Variants in RAB28 observed in about 807,000 individuals in gnomAD.
RAB28 encodes RAB28, member RAS oncogene family.
A neutral mutation model predicts 31.7 loss-of-function variants in RAB28; 24 were observed. The ratio of observed to expected loss-of-function variants is 0.76; its 90% CI spans 0.55 to 1.06. RAB28 has a LOEUF of 1.06. Ranked by LOEUF, RAB28 falls within the 50% of genes least tolerant of loss-of-function variation. RAB28 has a pLI of 0.00. For missense variants in RAB28, 254 were observed against 258.5 expected (o/e 0.98, Z 0.12); for synonymous variants, 100 against 90.4 (o/e 1.11, Z -0.60).
chr4:13,390,336 A>T (rs962354030), intron 4 of RAB28, among the ~76,000 whole-genome samples: 9 of 152,180 alleles, frequency 5.9e-5, no homozygotes, highest in Admixed American at 3.9e-4. Context: ...AATGCCTAGG[A>T]ATCCAATTTA....
rs531104703 is a variant in RAB28 at position 13,449,339 on chromosome 4, T to C, written c.391+11360A>G. On this transcript the variant is annotated intron_variant, in intron 4 of 6. Coordinates refer to ENST00000330852, the MANE Select transcript of RAB28 (RefSeq NM_001017979.3). ...GCAAGTAATTTCATATAAATTCCAA[T>C]GGTTTTCAAACTGGACATATAACCA... Among the ~76,000 whole-genome samples, 50 of 152,068 alleles carry C rather than the reference T, an allele frequency of 3.3e-4. No individual in the cohort carries two copies. In the Middle Eastern group the frequency reaches 0.01, roughly 31 times the overall value.
intron 3 of RAB28, among the ~76,000 whole-genome samples, chr4:13,465,165 A>G (rs1054790951): frequency 3.3e-5 from 5 of 152,042 alleles, no homozygotes; most frequent in African/African-American, 1.2e-4. Flanking sequence ...GACAGTCCCA[A>G]GTAGGTACAT....
chr4:13,428,350 C>G (rs1713625936), intron 4 of RAB28, among the ~76,000 whole-genome samples: 2 of 152,114 alleles, frequency 1.3e-5, no homozygotes, highest in African/African-American at 4.8e-5. Context: ...AAATAAGTGT[C>G]TGCCAAAGTA....
At chr4:13,479,138 AT>A (rs1716494258) in intron 2 of RAB28, among the ~76,000 whole-genome samples, 1 of 151,724 alleles carries the variant, frequency 6.6e-6, no homozygotes, top group South Asian at 2.1e-4. Context: ...ACAGCACTTA[AT>A]TTTTTAAAAG....
intron 2 of RAB28, among the ~76,000 whole-genome samples, chr4:13,476,131 T>A (rs576678948): frequency 6.6e-6 from 1 of 151,666 alleles, no homozygotes; most frequent in South Asian, 2.1e-4. Flanking sequence ...TCAAGAAATA[T>A]AAAGCTTTTT....
chr4:13,409,978 C>A (rs1040352776), intron 4 of RAB28, among the ~76,000 whole-genome samples: 5 of 151,988 alleles, frequency 3.3e-5, no homozygotes, highest in Admixed American at 1.3e-4. Flanking sequence ...TAGTTTAGCA[C>A]CATCCCCCTA....
At chr4:13,391,115 G>C (rs944579108) in intron 4 of RAB28, among the ~76,000 whole-genome samples, 1 of 152,154 alleles carries the variant, frequency 6.6e-6, no homozygotes, top group African/African-American at 2.4e-5. Flanking sequence ...AGAGTGAACA[G>C]GCAACCTGTA....
At chr4:13,412,208 C>A (rs1469272280) in intron 4 of RAB28, among the ~76,000 whole-genome samples, 1 of 151,952 alleles carries the variant, frequency 6.6e-6, no homozygotes, top group African/African-American at 2.4e-5. Flanking sequence ...GGAGAGCTAT[C>A]CAGACTGCAA....
At chr4:13,421,244 T>G (rs1713120685) in intron 4 of RAB28, among the ~76,000 whole-genome samples, 1 of 152,026 alleles carries the variant, frequency 6.6e-6, no homozygotes, top group South Asian at 2.1e-4. Context: ...CACTGCTCAA[T>G]GAAATAAAAG....
At chr4:13,481,600 C>T (rs1716606898) in intron 1 of RAB28, among the ~76,000 whole-genome samples, 1 of 151,222 alleles carries the variant, frequency 6.6e-6, no homozygotes, top group Non-Finnish European at 1.5e-5. Context: ...GCTACATTTA[C>T]AAACACTGAA....
chr4:13,460,774 C>A lies in RAB28; in HGVS notation c.316G>T (p.Asp106Tyr). The change falls in exon 4 of 7, where the codon GAT (aspartate) becomes TAT (tyrosine). Residue 106 changes from aspartate to tyrosine, a missense_variant. Physicochemically the swap from Asp to Tyr is radical, Grantham distance 160. Transcript: ENST00000330852. ...TNYQSFENLE[D>Y]WYTVVKKVSE... ...ACTTTCTTCACCACAGTATACCAAT[C>A]TTCTAAATTCTCAAAGCTTTGATAA... The A allele has an allele frequency of 6.2e-7, 1 of 1,613,886 alleles. No individual in the cohort carries two copies. The highest frequency in any genetic ancestry group is 8.5e-7 in the Non-Finnish European group (1 of 1,179,836).
chr4:13,412,244 C>G (rs1712480425), intron 4 of RAB28, among the ~76,000 whole-genome samples: 1 of 112,866 alleles, frequency 8.9e-6, no homozygotes, highest in Admixed American at 1.1e-4. Context: ...TTTAGAACAT[C>G]CAGAACTTCT....
Position 13,420,068 on chromosome 4 carries a change from A to C in RAB28, c.392-38474T>G, listed in dbSNP as rs183099852. On this transcript the variant is annotated intron_variant, in intron 4 of 6. Coordinates refer to ENST00000330852, the MANE Select transcript of RAB28 (RefSeq NM_001017979.3). ...AAATAGATGCAATAAAAAATGATAAAGGGGATATCACCACAGATCCCACAG... is the reference window on the plus strand; with the variant it reads ...AAATAGATGCAATAAAAAATGATAACGGGGATATCACCACAGATCCCACAG... Among the ~76,000 whole-genome samples, 12 of 152,344 alleles carry C rather than the reference A, an allele frequency of 7.9e-5. No homozygotes were observed. In the East Asian group the frequency reaches 2.3e-3, roughly 29 times the overall value.
intron 4 of RAB28, among the ~76,000 whole-genome samples, chr4:13,435,520 C>T (rs575841954): frequency 6.6e-6 from 1 of 152,178 alleles, no homozygotes; most frequent in East Asian, 1.9e-4. Flanking sequence ...CAAATAAGCA[C>T]AATCAGAAAT....
intron 4 of RAB28, among the ~76,000 whole-genome samples, chr4:13,450,290 C>A (rs1714896164): frequency 6.6e-6 from 1 of 151,148 alleles, no homozygotes; most frequent in African/African-American, 2.4e-5. Flanking sequence ...ATTTATTTAA[C>A]CTAAAATTAT....
chr4:13,470,135 T>C (rs559789217), intron 3 of RAB28, among the ~76,000 whole-genome samples: 9 of 152,216 alleles, frequency 5.9e-5, no homozygotes, highest in African/African-American at 2.2e-4. Flanking sequence ...AATGAAAGGT[T>C]CTCCCATTCC....
At chr4:13,384,494 G>A (rs150196191) in intron 4 of RAB28, among the ~76,000 whole-genome samples, 67 of 152,248 alleles carry the variant, frequency 4.4e-4, no homozygotes, top group African/African-American at 1.3e-3. Context: ...CCAGGAATAC[G>A]TAGGTCCCAC....
intron 4 of RAB28, among the ~76,000 whole-genome samples, chr4:13,383,403 A>T (rs1729218105): frequency 6.6e-6 from 1 of 151,952 alleles, no homozygotes; most frequent in African/African-American, 2.4e-5. Context: ...TCCATCTATC[A>T]TTTACTACTC....
intron 4 of RAB28, among the ~76,000 whole-genome samples, chr4:13,458,909 C>T (rs1479216020): frequency 6.6e-6 from 1 of 152,066 alleles, no homozygotes; most frequent in Non-Finnish European, 1.5e-5. Context: ...ACTTGATTGG[C>T]GTGAAGGATG....
Sources: allele counts gnomAD v4.1 joint callset (sites outside exome capture counted in the v4.1 genomes callset), GRCh38; gene constraint gnomAD v4.1.1; transcripts MANE v1.5; gene names NCBI Gene and HGNC (gene_info 2026-07-23, HGNC 2026-07-21).